Variants in LMO7 observed in about 807,000 individuals in gnomAD.
LMO7 encodes the protein LIM domain 7.
In LMO7, 120 loss-of-function variants were observed where a neutral mutation model predicts 206.5. That is an observed-to-expected ratio of 0.58 (90% CI 0.50 to 0.68). The LOEUF (loss-of-function observed/expected upper bound fraction) is 0.68. Ranked by LOEUF, LMO7 falls within the 30% of genes least tolerant of loss-of-function variation. LMO7 has a pLI of 0.00. For missense variants in LMO7, 1,959 were observed against 1,957.9 expected (o/e 1.00, Z -0.01); for synonymous variants, 706 against 681.5 (o/e 1.04, Z -0.56).
In LMO7 at chr13:75,800,757, G is replaced by A. The variant is rs952098608; in HGVS notation, c.536G>A (p.Arg179His). The A allele has an allele frequency of 5.6e-6, 9 of 1,614,012 alleles. No homozygotes were observed. Among genetic ancestry groups the A allele is most frequent in the Admixed American group, 1.7e-5 (1 of 59,998 alleles). The change falls in exon 7 of 31, where the codon CGT (arginine) becomes CAT (histidine). Residue 179 changes from arginine (R) to histidine (H), a missense_variant. Arg to His is a conservative substitution (Grantham distance 29). Coordinates refer to ENST00000377534, the MANE Select transcript of LMO7 (RefSeq NM_001306080.2). The part of the protein sequence containing the change: ...SGYGDIWCPE[R>H]GEFLAPPRHH... ...TACGGTGACATCTGGTGTCCTGAAC[G>A]TGGAGAATTTCTTGCTCCTCCAAGG...
At chr13:75,795,482 G>T in intron 5 of LMO7, 51 bp downstream of exon 5, 1 of 1,294,084 alleles carries the variant, frequency 7.7e-7, no homozygotes, top group Non-Finnish European at 1.1e-6. Flanking sequence ...TCACTTTCAT[G>T]TTCTGTAAGA....
At chr13:75,679,255 T>C (rs907988741) in intron 1 of LMO7, among the ~76,000 whole-genome samples, 2 of 152,234 alleles carry the variant, frequency 1.3e-5, no homozygotes. Flanking sequence ...CTGTCTTCTA[T>C]ATCACAGTGC....
intron 14 of LMO7, 42 bp from the exon 15 acceptor site, chr13:75,823,519 TAAAG>T (rs767382036): frequency 2.2e-6 from 3 of 1,393,792 alleles, no homozygotes; most frequent in South Asian, 2.6e-5. Flanking sequence ...AAAACAGAAA[TAAAG>T]GTAACAGAAT....
At chr13:75,832,645 G>T (rs1311877247) in intron 15 of LMO7, among the ~76,000 whole-genome samples, 1 of 152,082 alleles carries the variant, frequency 6.6e-6, no homozygotes, top group Non-Finnish European at 1.5e-5. Flanking sequence ...GCCAAGTATT[G>T]GGAGTAGGTG....
intron 19 of LMO7, among the ~76,000 whole-genome samples, 166 bp downstream of exon 19, chr13:75,836,623 G>T (rs2273995): frequency 2.0e-5 from 3 of 152,174 alleles, no homozygotes; most frequent in Admixed American, 6.5e-5. Context: ...GTGGAAGGGC[G>T]TTCAGTTCCA....
chr13:75,734,870 C>A (rs544636993), intron 3 of LMO7, among the ~76,000 whole-genome samples: 1 of 152,070 alleles, frequency 6.6e-6, no homozygotes, highest in African/African-American at 2.4e-5. Context: ...GAGGCCAAGG[C>A]GGGCGGATCA....
intron 15 of LMO7, among the ~76,000 whole-genome samples, chr13:75,827,218 T>C (rs1437504348): frequency 6.6e-6 from 1 of 152,230 alleles, no homozygotes; most frequent in Non-Finnish European, 1.5e-5. Flanking sequence ...GGCTGAAGTA[T>C]GAACTTGATC....
In LMO7 at chr13:75,841,713, G is replaced by A; in HGVS notation, c.3761G>A (p.Gly1254Glu). 6.2e-7 allele frequency: 1 copy of A among 1,614,092 alleles called. No homozygotes were observed. The highest frequency in any genetic ancestry group is 2.2e-5 in the East Asian group (1 of 44,876). ...LATWEATWSEGSKSSDREGTR... is the reference protein window; with the variant it reads ...LATWEATWSEESKSSDREGTR... ...ACCTGGGAAGCTACCTGGAGTGAAG[G>A]GTCCAAGTCTTCAGACAGAGAAGGA... is the stretch of plus-strand genomic sequence containing the variant. Residue 1254 changes from glycine to glutamate, a missense_variant, in exon 24 of 31, where the codon GGG (glycine) becomes GAG (glutamate). Physicochemically the swap from Gly to Glu is moderately conservative, Grantham distance 98 (BLOSUM62 -2). Transcript: ENST00000377534.
At chr13:75,741,291 A>AT (rs1185370522) in intron 3 of LMO7, among the ~76,000 whole-genome samples, 2 of 152,192 alleles carry the variant, frequency 1.3e-5, no homozygotes, top group East Asian at 1.9e-4. Flanking sequence ...AAAACGGAGT[A>AT]TTTTTTTCTT....
At chr13:75,751,106 T>TA (rs1263340674) in intron 3 of LMO7, among the ~76,000 whole-genome samples, 1 of 148,334 alleles carries the variant, frequency 6.7e-6, no homozygotes, top group African/African-American at 2.5e-5. Flanking sequence ...GTCTTTAGGA[T>TA]AAATTGATCA....
At chr13:75,786,439 A>G (rs2140454726) in intron 4 of LMO7, among the ~76,000 whole-genome samples, 1 of 150,764 alleles carries the variant, frequency 6.6e-6, no homozygotes, top group Non-Finnish European at 1.5e-5. Context: ...CAGTGGCGCA[A>G]TCTCGGCTCA....
intron 1 of LMO7, among the ~76,000 whole-genome samples, chr13:75,647,900 G>A (rs2037176256): frequency 6.6e-6 from 1 of 150,494 alleles, no homozygotes; most frequent in South Asian, 2.1e-4. Flanking sequence ...GGAAGCTGAA[G>A]CTCCTGATCT....
intron 3 of LMO7, among the ~76,000 whole-genome samples, chr13:75,734,867 A>C (rs1463879364): frequency 1.3e-5 from 2 of 152,166 alleles, no homozygotes; most frequent in Non-Finnish European, 2.9e-5. Context: ...TGGGAGGCCA[A>C]GGCGGGCGGA....
At chr13:75,817,134 T>C in intron 11 of LMO7, 27 bp from the exon 12 acceptor site, 5 of 1,532,444 alleles carry the variant, frequency 3.3e-6, no homozygotes, top group Non-Finnish European at 4.5e-6. Flanking sequence ...TGAACTTCCG[T>C]AGTAACCATG....
intron 8 of LMO7, chr13:75,804,828 A>G: frequency 1.8e-6 from 2 of 1,095,926 alleles, no homozygotes; most frequent in Non-Finnish European, 2.2e-6. Flanking sequence ...ATGATGAGCC[A>G]TGCCATGTAA....
intron 1 of LMO7, among the ~76,000 whole-genome samples, chr13:75,708,545 G>A (rs997085154): frequency 6.6e-6 from 1 of 152,190 alleles, no homozygotes; most frequent in Non-Finnish European, 1.5e-5. Context: ...TGCGTTGGAT[G>A]TTTCTGGGCC....
Position 75,817,208 on chromosome 13 carries a change from G to A in LMO7, c.1994G>A (p.Arg665His), listed in dbSNP as rs767594976. 5.0e-6 allele frequency: 8 copies of A among 1,613,766 alleles called. No homozygotes were observed. Among genetic ancestry groups the A allele is most frequent in the South Asian group, 2.2e-5 (2 of 91,056 alleles). ...DVSAEDVQNL[R>H]QLRYEEMQKI... is the part of the protein sequence containing the mutation. ...AGCGCAGAAGATGTTCAAAACTTGCGTCAGCTGCGTTACGAGGAGATGCAG... is the reference window on the plus strand; with the variant it reads ...AGCGCAGAAGATGTTCAAAACTTGCATCAGCTGCGTTACGAGGAGATGCAG... The change falls in exon 12 of 31, where the codon CGT becomes CAT. Residue 665 changes from arginine (R) to histidine (H), a missense_variant. By Grantham distance (29) the Arg-to-His change is conservative. Transcript: ENST00000377534.
At chr13:75,662,393 A>G (rs1037239378) in intron 1 of LMO7, among the ~76,000 whole-genome samples, 1 of 152,188 alleles carries the variant, frequency 6.6e-6, no homozygotes, top group Non-Finnish European at 1.5e-5. Context: ...ATTTTGGCTG[A>G]CTGCAGTTGT....
intron 2 of LMO7, among the ~76,000 whole-genome samples, chr13:75,625,930 A>G (rs938824109): frequency 2.6e-5 from 4 of 152,192 alleles, no homozygotes; most frequent in African/African-American, 9.6e-5. Flanking sequence ...CTTGGTACAC[A>G]CGAAGATTTC....
Sources: gnomAD v4.1 joint callset for allele counts (sites outside exome capture counted in the v4.1 genomes callset) on GRCh38, gnomAD v4.1.1 for gene constraint, MANE v1.5 for transcripts, NCBI Gene and HGNC (gene_info 2026-07-23, HGNC 2026-07-21) for gene names.